The following ADAD1 variants were observed in gnomAD, a reference collection of about 807,000 sequenced individuals.
ADAD1 encodes adenosine deaminase domain containing 1, also known as adenosine deaminase domain-containing protein 1.
A neutral mutation model predicts 66.8 loss-of-function variants in ADAD1; 46 were observed. The observed-to-expected ratio is 0.69, with a 90% CI of 0.54 to 0.88. The LOEUF (loss-of-function observed/expected upper bound fraction) is 0.88, where lower values mean the gene tolerates loss of function less well. Ranked by LOEUF, ADAD1 falls within the 40% of genes least tolerant of loss-of-function variation. ADAD1 has a pLI of 0.00. For missense variants in ADAD1, 617 were observed against 681.8 expected (o/e 0.91, Z 1.06); for synonymous variants, 248 against 229.4 (o/e 1.08, Z -0.73).
intron 12 of ADAD1, among the ~76,000 whole-genome samples, chr4:122,422,512 A>G (rs1047769499): frequency 6.6e-6 from 1 of 152,246 alleles, no homozygotes; most frequent in Non-Finnish European, 1.5e-5. Context: ...ACAGCATTAT[A>G]TGAAAGTCTT....
intron 5 of ADAD1, among the ~76,000 whole-genome samples, chr4:122,385,519 C>T (rs868842793): frequency 1.6e-4 from 24 of 152,172 alleles, no homozygotes; most frequent in Admixed American, 1.5e-3. Flanking sequence ...GTGATCCTCC[C>T]ACCTTGGCCT....
chr4:122,396,697 A>C (rs906172921), intron 7 of ADAD1, among the ~76,000 whole-genome samples: 1 of 152,210 alleles, frequency 6.6e-6, no homozygotes, highest in African/African-American at 2.4e-5. Flanking sequence ...AAAAGATTGA[A>C]ATATGGAATC....
chr4:122,397,777 C>T (rs908692505), intron 7 of ADAD1, among the ~76,000 whole-genome samples: 1 of 152,050 alleles, frequency 6.6e-6, no homozygotes, highest in Non-Finnish European at 1.5e-5. Flanking sequence ...TTAAAGTTGA[C>T]GTAGGATAAT....
Position 122,410,818 on chromosome 4 carries a change from T to TA in ADAD1, c.849-403dup, listed in dbSNP as rs1270310537. Among the ~76,000 whole-genome samples, 11 of 152,292 alleles carry TA rather than the reference T, an allele frequency of 7.2e-5. No individual in the cohort carries two copies. In the East Asian group the frequency reaches 2.1e-3, roughly 29 times the overall value. ...ACCACAGTTTTTGTCATTTTTGTAG[T>TA]AGTTTGTTTGGGTAGGTAAGGGGAA... On this transcript the variant is annotated intron_variant, in intron 8 of 12. Coordinates refer to ENST00000296513, the MANE Select transcript of ADAD1 (RefSeq NM_139243.4).
In ADAD1 at chr4:122,412,585, T is replaced by G. The variant is rs1158642151; in HGVS notation, c.1025T>G (p.Leu342Arg). The change falls in exon 10 of 13, where the codon CTT becomes CGT. Residue 342 changes from leucine (L) to arginine (R), a missense_variant. Transcript: ENST00000296513. ...GSAQIKSQLR[L>R]NPHSISAFEA... ...ACTTTCTTTTCTTTCTCTAGACGTC[T>G]TAATCCACATTCTATATCTGCATTT... 6.2e-7 allele frequency: 1 copy of G among 1,613,362 alleles called. No individual in the cohort carries two copies. Among genetic ancestry groups the G allele is most frequent in the East Asian group, 2.2e-5 (1 of 44,862 alleles).
At chr4:122,403,759 CT>C (rs1330350480) in intron 7 of ADAD1, among the ~76,000 whole-genome samples, 2 of 152,082 alleles carry the variant, frequency 1.3e-5, no homozygotes, top group East Asian at 3.9e-4. Context: ...CCAAGAGTGC[CT>C]TTTGTCTTCG....
chr4:122,396,984 CATAG>C (rs946452641), intron 7 of ADAD1, among the ~76,000 whole-genome samples: 8 of 152,024 alleles, frequency 5.3e-5, no homozygotes, highest in African/African-American at 1.9e-4. Context: ...TGTGAGAATT[CATAG>C]ATAGGAAAGA....
At chr4:122,395,475 G>A (rs924262903) in intron 6 of ADAD1, among the ~76,000 whole-genome samples, 9 of 152,142 alleles carry the variant, frequency 5.9e-5, no homozygotes, top group Non-Finnish European at 1.2e-4. Flanking sequence ...GAGGTCAGGA[G>A]TTCAAGACCA....
At chr4:122,405,310 A>G (rs1007926240) in intron 7 of ADAD1, among the ~76,000 whole-genome samples, 7 of 152,144 alleles carry the variant, frequency 4.6e-5, no homozygotes, top group African/African-American at 1.7e-4. Context: ...CTTTAAACCC[A>G]TGACACCTTT....
At chr4:122,401,563 T>C (rs1203020138) in intron 7 of ADAD1, among the ~76,000 whole-genome samples, 1 of 152,178 alleles carries the variant, frequency 6.6e-6, no homozygotes, top group East Asian at 1.9e-4. Flanking sequence ...GACTTTTGTC[T>C]TGATGACCTG....
intron 12 of ADAD1, among the ~76,000 whole-genome samples, chr4:122,425,891 G>C (rs1013207231): frequency 2.6e-5 from 4 of 151,958 alleles, no homozygotes; most frequent in Non-Finnish European, 5.9e-5. Flanking sequence ...AAATGCTTGT[G>C]TTAGAAAAGA....
chr4:122,416,589 C>T (rs1198979611), intron 11 of ADAD1, among the ~76,000 whole-genome samples: 1 of 151,790 alleles, frequency 6.6e-6, no homozygotes, highest in Non-Finnish European at 1.5e-5. Flanking sequence ...AAGTATTAAC[C>T]AGGAGTGGGA....
chr4:122,418,037 A>T (rs1317302595), intron 11 of ADAD1, among the ~76,000 whole-genome samples: 1 of 152,076 alleles, frequency 6.6e-6, no homozygotes, highest in East Asian at 1.9e-4. Flanking sequence ...ACAATAAATG[A>T]TAGAAATAAA....
chr4:122,380,729 C>T (rs1794852937), intron 3 of ADAD1, among the ~76,000 whole-genome samples: 1 of 152,124 alleles, frequency 6.6e-6, no homozygotes, highest in Admixed American at 6.5e-5. Context: ...GAGACCCTGA[C>T]ATCACTAAAA....
At chr4:122,427,523 CTTTTTTTTTTT>C (rs59864757) in intron 12 of ADAD1, among the ~76,000 whole-genome samples, 3 of 71,982 alleles carry the variant, frequency 4.2e-5, no homozygotes, top group South Asian at 6.7e-4. Flanking sequence ...ATCCAAAGGC[CTTTTTTTTTTT>C]TTTTTTTTTT....
intron 7 of ADAD1, among the ~76,000 whole-genome samples, chr4:122,403,133 A>G (rs1046128969): frequency 6.6e-5 from 10 of 152,166 alleles, no homozygotes; most frequent in Admixed American, 4.6e-4. Flanking sequence ...CAGTGGAAAT[A>G]TCTGGAACTC....
chr4:122,413,569 G>C (rs1196588067), intron 10 of ADAD1, among the ~76,000 whole-genome samples: 2 of 151,880 alleles, frequency 1.3e-5, no homozygotes. Context: ...TGTTTGTCCA[G>C]AAGTTATTTC....
chr4:122,429,309 C>T (rs1401983017), intron 12 of ADAD1, among the ~76,000 whole-genome samples: 1 of 151,832 alleles, frequency 6.6e-6, no homozygotes, highest in East Asian at 1.9e-4. Flanking sequence ...GTGGTGCATG[C>T]CTGTAGTCCT....
At chr4:122,409,688 G>T (rs1796382313) in intron 8 of ADAD1, among the ~76,000 whole-genome samples, 1 of 151,798 alleles carries the variant, frequency 6.6e-6, no homozygotes, top group Non-Finnish European at 1.5e-5. Context: ...GTTTTGGGCG[G>T]TTTTTTGTGT....
Sources: gnomAD v4.1 joint callset for allele counts (sites outside exome capture counted in the v4.1 genomes callset) on GRCh38, gnomAD v4.1.1 for gene constraint, MANE v1.5 for transcripts, NCBI Gene and HGNC (gene_info 2026-07-23, HGNC 2026-07-21) for gene names.